FAR2: variants seen among roughly 807,000 people sequenced by gnomAD.
FAR2 encodes the protein fatty acyl-CoA reductase 2.
Under a neutral mutation model 56.0 loss-of-function variants are expected in FAR2, and 19 were observed. That is an observed-to-expected ratio of 0.34 (90% CI 0.24 to 0.50). FAR2 has a LOEUF of 0.50. Among genes scored for constraint, FAR2 ranks in the 20% least tolerant of loss-of-function variants. FAR2 has a pLI of 0.98. For missense variants in FAR2, 508 were observed against 642.2 expected, an observed-to-expected ratio of 0.79 and a Z score of 2.26; for synonymous variants, 219 against 218.8, an observed-to-expected ratio of 1.00 and a Z score of -0.01.
chr12:29,240,324 C>A (rs1948007264), intron 1 of FAR2, among the ~76,000 whole-genome samples: 2 of 152,128 alleles, frequency 1.3e-5, no homozygotes, highest in South Asian at 4.1e-4. Context: ...CCATCAACTC[C>A]CACTCTGAAG....
chr12:29,273,677 G>A (rs1030899708), intron 2 of FAR2, among the ~76,000 whole-genome samples: 4 of 152,192 alleles, frequency 2.6e-5, no homozygotes, highest in African/African-American at 4.8e-5. Flanking sequence ...AGGGCTCGTC[G>A]CCCCTCTGCC....
intron 1 of FAR2, among the ~76,000 whole-genome samples, chr12:29,267,060 A>G (rs925926635): frequency 2.6e-5 from 4 of 152,304 alleles, no homozygotes; most frequent in East Asian, 3.9e-4. Context: ...ATATCCTATT[A>G]AAGAAGTAGG....
chr12:29,238,629 C>A (rs950679370), intron 1 of FAR2, among the ~76,000 whole-genome samples: 64 of 152,168 alleles, frequency 4.2e-4, no homozygotes, highest in African/African-American at 1.4e-3. Context: ...GAGGGAAGGG[C>A]TATTTTACTT....
At chr12:29,175,443 G>A (rs1949928854) in intron 1 of FAR2, among the ~76,000 whole-genome samples, 1 of 152,184 alleles carries the variant, frequency 6.6e-6, no homozygotes. Flanking sequence ...TCTTAAAGGT[G>A]GTGTGGACCC....
At chr12:29,200,779 G>C (rs778390027) in intron 1 of FAR2, among the ~76,000 whole-genome samples, 1 of 152,166 alleles carries the variant, frequency 6.6e-6, no homozygotes, top group Admixed American at 6.5e-5. Context: ...GGGTGCTTAA[G>C]TGCGTTTTAC....
chr12:29,202,502 C>G (rs535586278), intron 1 of FAR2, among the ~76,000 whole-genome samples: 4 of 152,284 alleles, frequency 2.6e-5, no homozygotes, highest in African/African-American at 9.6e-5. Context: ...ACAAGTCTGA[C>G]AGGCACTAGC....
At chr12:29,333,163 T>A (rs1949755971) in intron 11 of FAR2, 1 of 325,940 alleles carries the variant, frequency 3.1e-6, no homozygotes, top group Non-Finnish European at 5.9e-6. Context: ...TCGTAATCCC[T>A]GAGGGACAAG....
chr12:29,216,671 C>A (rs919183669), intron 1 of FAR2, among the ~76,000 whole-genome samples: 1 of 152,130 alleles, frequency 6.6e-6, no homozygotes, highest in African/African-American at 2.4e-5. Flanking sequence ...AAAAAGGCTG[C>A]TGTTAGCCTT....
intron 2 of FAR2, among the ~76,000 whole-genome samples, chr12:29,290,447 G>GA (rs1051749214): frequency 1.1e-3 from 144 of 131,774 alleles, no homozygotes; most frequent in South Asian, 2.1e-3. Context: ...CTCTGTCTGA[G>GA]AAAAAAAAAA....
intron 1 of FAR2, among the ~76,000 whole-genome samples, chr12:29,189,544 T>C (rs1950081551): frequency 6.6e-6 from 1 of 152,218 alleles, no homozygotes; most frequent in African/African-American, 2.4e-5. Context: ...ATTTGTGCCC[T>C]GAGTGTTCTA....
chr12:29,182,938 CTTTT>C (rs11298420), intron 1 of FAR2, among the ~76,000 whole-genome samples: 14 of 130,968 alleles, frequency 1.1e-4, no homozygotes, highest in Admixed American at 1.5e-4. Flanking sequence ...TACTCATTGT[CTTTT>C]TTTTTTTTTT....
intron 1 of FAR2, among the ~76,000 whole-genome samples, chr12:29,174,280 A>G (rs955981892): frequency 5.9e-5 from 9 of 152,068 alleles, no homozygotes; most frequent in Admixed American, 2.0e-4. Context: ...CCCCACCACG[A>G]TGGGGCTTTG....
chr12:29,245,563 T>C lies in FAR2; in HGVS notation c.-38-24849T>C, dbSNP rs575653577. 1.2e-4 allele frequency among the ~76,000 whole-genome samples: 18 copies of C among 152,312 alleles called. No individual in the cohort carries two copies. In the South Asian group the frequency reaches 3.5e-3, roughly 30 times the overall value. On this transcript the variant is annotated intron_variant, in intron 1 of 11. Coordinates refer to ENST00000536681, the MANE Select transcript of FAR2 (RefSeq NM_001271783.2). ...ATTTGCGTTAAAGTATGAGAACCAC[T>C]ACTCCTTGCCCCAGTTCAACTCCTC...
chr12:29,315,275 T>C (rs1949427368), intron 8 of FAR2, among the ~76,000 whole-genome samples: 1 of 152,140 alleles, frequency 6.6e-6, no homozygotes, highest in Non-Finnish European at 1.5e-5. Context: ...AGCTCTTTAA[T>C]CATATTCAAG....
chr12:29,184,379 A>G (rs1378667643), intron 1 of FAR2, among the ~76,000 whole-genome samples: 1 of 133,776 alleles, frequency 7.5e-6, no homozygotes, highest in Non-Finnish European at 1.6e-5. Flanking sequence ...GAACAATTAT[A>G]TGGGCTGGTT....
chr12:29,295,423 TC>T (rs1949046698), intron 3 of FAR2, among the ~76,000 whole-genome samples: 1 of 152,202 alleles, frequency 6.6e-6, no homozygotes, highest in Non-Finnish European at 1.5e-5. Context: ...TGCATATACT[TC>T]CTGATTAAAT....
intron 1 of FAR2, among the ~76,000 whole-genome samples, chr12:29,208,764 C>T (rs1024658844): frequency 6.6e-6 from 1 of 152,082 alleles, no homozygotes; most frequent in African/African-American, 2.4e-5. Flanking sequence ...ACAACAGCTG[C>T]AGGACACATT....
chr12:29,189,486 T>G (rs1051048565), intron 1 of FAR2, among the ~76,000 whole-genome samples: 1 of 152,150 alleles, frequency 6.6e-6, no homozygotes, highest in Non-Finnish European at 1.5e-5. Flanking sequence ...CAGCCATTTC[T>G]CCAAGGACTC....
In FAR2 at chr12:29,187,431, T is replaced by G. The variant is rs1041494623; in HGVS notation, c.-39+38024T>G. ...AAGAAGCGTATATATATATAATTTTTTATTTGGATTTCAGATACAAACCTT... is the reference window on the plus strand; with the variant it reads ...AAGAAGCGTATATATATATAATTTTGTATTTGGATTTCAGATACAAACCTT... On this transcript the variant is annotated intron_variant, in intron 1 of 11. Coordinates refer to ENST00000536681, the MANE Select transcript of FAR2 (RefSeq NM_001271783.2). Among the ~76,000 whole-genome samples the G allele has an allele frequency of 3.3e-5, 5 of 152,118 alleles. No individual in the cohort carries two copies. In the South Asian group the frequency reaches 6.2e-4, roughly 19 times the overall value.
Sources: gnomAD v4.1 joint callset for allele counts (sites outside exome capture counted in the v4.1 genomes callset) on GRCh38, gnomAD v4.1.1 for gene constraint, MANE v1.5 for transcripts, NCBI Gene and HGNC (gene_info 2026-07-23, HGNC 2026-07-21) for gene names.